SDHC: variants seen among roughly 807,000 people sequenced by gnomAD.
SDHC encodes succinate dehydrogenase complex subunit C, also known as succinate dehydrogenase cytochrome b560 subunit, mitochondrial.
Under a neutral mutation model 22.6 loss-of-function variants are expected in SDHC, and 11 were observed. The ratio of observed to expected loss-of-function variants is 0.49; its 90% CI spans 0.31 to 0.81. The LOEUF (loss-of-function observed/expected upper bound fraction) is 0.81, where lower values mean the gene tolerates loss of function less well. SDHC is among the 30% of genes least tolerant of loss of function. The pLI, the probability that SDHC is intolerant of heterozygous loss-of-function variation, is 0.05. For synonymous variants in SDHC, 80 were observed against 77.8 expected, an observed-to-expected ratio of 1.03 and a Z score of -0.15; for missense variants, 160 against 212.0, an observed-to-expected ratio of 0.75 and a Z score of 1.52.
rs1006393087 is a variant in SDHC, at chr1:161,360,986, G to C, written c.406-1343G>C. Among the ~76,000 whole-genome samples the C allele has an allele frequency of 7.9e-5, 12 of 152,032 alleles. No homozygotes were observed. The East Asian group carries it at 2.3e-3, about 30-fold the overall frequency. Reference sequence around the variant, plus strand: ...AAATTAGCTTGGCATGGTGGCATGCGCCTGTAGTCCCAGCCACTGGCAGGG... The same window carrying C: ...AAATTAGCTTGGCATGGTGGCATGCCCCTGTAGTCCCAGCCACTGGCAGGG... On this transcript the variant is annotated intron_variant, in intron 5 of 5. Coordinates refer to ENST00000367975, the MANE Select transcript of SDHC (RefSeq NM_003001.5).
chr1:161,356,999 C>G (rs1461870004), intron 5 of SDHC, among the ~76,000 whole-genome samples, 159 bp downstream of exon 5: 13 of 151,482 alleles, frequency 8.6e-5, no homozygotes, highest in Admixed American at 8.5e-4. Flanking sequence ...GGTGCGATCT[C>G]AGCTCACTGC....
At chr1:161,340,499 T>G in intron 3 of SDHC, 95 bp from the exon 4 acceptor site, 1 of 1,070,454 alleles carries the variant, frequency 9.3e-7, no homozygotes. Flanking sequence ...AAAAAGTGCC[T>G]ATTTCAGAAT....
At chr1:161,332,274 T>G (rs139354586) in intron 3 of SDHC, among the ~76,000 whole-genome samples, 74 of 152,300 alleles carry the variant, frequency 4.9e-4, no homozygotes, top group Non-Finnish European at 6.8e-4. Flanking sequence ...CGTGCTCAGC[T>G]TGCTTTTTAT....
At chr1:161,359,914 CTA>C (rs143084040) in intron 5 of SDHC, among the ~76,000 whole-genome samples, 1,929 of 152,190 alleles carry the variant, frequency 0.013, 43 homozygotes, top group African/African-American at 0.042. Context: ...GACTCACTCT[CTA>C]TAAAACATTG....
At chr1:161,361,566 G>A (rs142449481) in intron 5 of SDHC, among the ~76,000 whole-genome samples, 3 of 152,268 alleles carry the variant, frequency 2.0e-5, no homozygotes, top group African/African-American at 7.2e-5. Flanking sequence ...GAGGCTGGGC[G>A]CAGTGGCTCA....
chr1:161,328,548 C>T (rs1257985441), intron 3 of SDHC, 51 bp downstream of exon 3: 6 of 1,308,474 alleles, frequency 4.6e-6, no homozygotes, highest in Non-Finnish European at 6.7e-6. Flanking sequence ...GGTGAAAGTT[C>T]TGAAGGTTGA....
chr1:161,324,162 A>G (rs1395024302), intron 2 of SDHC, among the ~76,000 whole-genome samples: 2 of 152,136 alleles, frequency 1.3e-5, no homozygotes, highest in Non-Finnish European at 2.9e-5. Context: ...TTTTGAGACA[A>G]GCTCTCACTC....
At chr1:161,345,807 T>G (rs1158079152) in intron 4 of SDHC, among the ~76,000 whole-genome samples, 2 of 151,560 alleles carry the variant, frequency 1.3e-5, no homozygotes, top group Non-Finnish European at 2.9e-5. Context: ...TTTTTTGTTT[T>G]GTTTTTTGTT....
rs536135654 is a variant in SDHC at position 161,349,009 on chromosome 1, A to G, written c.242-7668A>G. Among the ~76,000 whole-genome samples the G allele has an allele frequency of 5.1e-4, 77 of 152,210 alleles. 1 individual carries two copies. The South Asian group carries it at 6.9e-3, about 14-fold the overall frequency. On this transcript the variant is annotated intron_variant, in intron 4 of 5. Transcript: ENST00000367975. Reference sequence around the variant, plus strand: ...AATCATAAATAACAAGATAAAACATACAACATAAAGCATGAGATTAGGAAG... The same window carrying G: ...AATCATAAATAACAAGATAAAACATGCAACATAAAGCATGAGATTAGGAAG...
Position 161,336,453 on chromosome 1 carries a change from C to CAA in SDHC, c.180-4129_180-4128dup, listed in dbSNP as rs202153153. On this transcript the variant is annotated intron_variant, in intron 3 of 5. Transcript: ENST00000367975. ...CTGGCAACAGAGCAAGGCTCCGTTT[C>CAA]AAAAAAAAAAAAAGTTTTGGGGAAG... is the stretch of plus-strand genomic sequence containing the variant. Among the ~76,000 whole-genome samples, 549 of 127,248 alleles carry CAA rather than the reference C, an allele frequency of 4.3e-3. 3 individuals are homozygous for CAA. Among genetic ancestry groups the CAA allele is most frequent in the African/African-American group, 0.015 (516 of 35,438 alleles). The allele number at this position is 127,248 out of a possible 152,430, so 83.5% of individuals were successfully genotyped here.
chr1:161,322,575 T>TTG (rs1481441026), intron 1 of SDHC, among the ~76,000 whole-genome samples: 5 of 151,812 alleles, frequency 3.3e-5, no homozygotes, highest in African/African-American at 9.7e-5. Flanking sequence ...GTTTTTGTTT[T>TTG]TTTTTTTTTG....
At chr1:161,355,074 G>T (rs1672224861) in intron 4 of SDHC, among the ~76,000 whole-genome samples, 1 of 152,084 alleles carries the variant, frequency 6.6e-6, no homozygotes. Flanking sequence ...GTCATTGGTG[G>T]TCGATAGCCA....
chr1:161,358,633 TA>T (rs147413047), intron 5 of SDHC, among the ~76,000 whole-genome samples: 18,518 of 146,170 alleles, frequency 0.13, 1,594 homozygotes, highest in African/African-American at 0.24. Context: ...TGACCCCATC[TA>T]AAAAAAAAAT....
intron 3 of SDHC, among the ~76,000 whole-genome samples, chr1:161,338,516 G>C (rs1453128400): frequency 6.6e-6 from 1 of 152,160 alleles, no homozygotes; most frequent in African/African-American, 2.4e-5. Context: ...ATGAGAACTA[G>C]GTCTAGAATA....
At chr1:161,331,109 G>C (rs1369436322) in intron 3 of SDHC, among the ~76,000 whole-genome samples, 2 of 151,650 alleles carry the variant, frequency 1.3e-5, no homozygotes, top group African/African-American at 4.8e-5. Flanking sequence ...TCCTGCCTCT[G>C]TTTCTGCCTT....
intron 4 of SDHC, among the ~76,000 whole-genome samples, chr1:161,343,454 C>T (rs535313368): frequency 1.3e-4 from 20 of 152,060 alleles, no homozygotes; most frequent in African/African-American, 4.6e-4. Context: ...GATCTGATGC[C>T]GTCATTTTTG....
chr1:161,356,777 C>T lies in SDHC; in HGVS notation c.342C>T (p.His114=), dbSNP rs143730978. Reference sequence around the variant, plus strand: ...TGTGTCTGGGGCCAGCACTGATCCACACAGCTAAGTTTGCACTTGTCTTCC... The same window carrying T: ...TGTGTCTGGGGCCAGCACTGATCCATACAGCTAAGTTTGCACTTGTCTTCC... ...KSLCLGPALI[H]TAKFALVFPL... Residue 114 remains histidine, a synonymous_variant, in exon 5 of 6, where the codon CAC becomes CAT. Coordinates refer to ENST00000367975, the MANE Select transcript of SDHC (RefSeq NM_003001.5). The T allele has an allele frequency of 3.0e-5, 49 of 1,614,104 alleles. No individual in the cohort carries two copies. In the African/African-American group the frequency reaches 5.6e-4, roughly 18 times the overall value.
intron 3 of SDHC, among the ~76,000 whole-genome samples, chr1:161,330,178 G>A (rs183502546): frequency 1.3e-3 from 201 of 152,150 alleles, no homozygotes; most frequent in African/African-American, 4.2e-3. Flanking sequence ...TCACCACATC[G>A]CGGTGGCCCC....
intron 4 of SDHC, among the ~76,000 whole-genome samples, chr1:161,348,044 G>A (rs887592293): frequency 2.6e-5 from 4 of 152,122 alleles, no homozygotes; most frequent in Non-Finnish European, 2.9e-5. Flanking sequence ...TACAAAATAA[G>A]TTATTTATTT....
Sources: allele counts gnomAD v4.1 joint callset (sites outside exome capture counted in the v4.1 genomes callset), GRCh38; gene constraint gnomAD v4.1.1; transcripts MANE v1.5; gene names NCBI Gene and HGNC (gene_info 2026-07-23, HGNC 2026-07-21).